The following NCOA6 variants were observed in gnomAD, a reference collection of about 807,000 sequenced individuals.
The protein encoded by NCOA6 is nuclear receptor coactivator 6, also known as NRC RAP250.
In NCOA6, 49 loss-of-function variants were observed where a neutral mutation model predicts 171.4. The observed-to-expected ratio is 0.29, with a 90% confidence interval of 0.23 to 0.36. NCOA6 has a LOEUF of 0.36. Among genes scored for constraint, NCOA6 ranks in the 10% least tolerant of loss-of-function variants. The pLI, the probability that NCOA6 is intolerant of heterozygous loss-of-function variation, is 1.00. For synonymous variants in NCOA6, 910 were observed against 927.5 expected, an observed-to-expected ratio of 0.98 and a Z score of 0.34; for missense variants, 2,248 against 2,554.5, an observed-to-expected ratio of 0.88 and a Z score of 2.59.
chr20:34,715,729 TCAA>T (rs1350954027), intron 14 of NCOA6, among the ~76,000 whole-genome samples: 1 of 152,140 alleles, frequency 6.6e-6, no homozygotes, highest in Non-Finnish European at 1.5e-5. Context: ...TGGTGAGAAA[TCAA>T]CGAGTAATGC....
At chr20:34,729,162 G>T (rs1990319406) in intron 13 of NCOA6, among the ~76,000 whole-genome samples, 1 of 152,196 alleles carries the variant, frequency 6.6e-6, no homozygotes, top group Non-Finnish European at 1.5e-5. Flanking sequence ...TGTTGGCCAG[G>T]CTGGTCTCGA....
chr20:34,745,224 C>T (rs1354352452), intron 10 of NCOA6, among the ~76,000 whole-genome samples: 1 of 152,326 alleles, frequency 6.6e-6, no homozygotes, highest in African/African-American at 2.4e-5. Flanking sequence ...AACTGCAGAG[C>T]AGATGCCCTA....
intron 11 of NCOA6, 147 bp from the exon 12 acceptor site, chr20:34,736,905 A>G: frequency 3.3e-6 from 2 of 605,920 alleles, no homozygotes; most frequent in Non-Finnish European, 5.5e-6. Flanking sequence ...TTACAAGTAC[A>G]TTTTAAAACT....
intron 1 of NCOA6, among the ~76,000 whole-genome samples, chr20:34,796,793 T>C (rs2078090343): frequency 6.7e-6 from 1 of 150,144 alleles, no homozygotes; most frequent in Non-Finnish European, 1.5e-5. Flanking sequence ...CTTTCCAGCC[T>C]GGGCAAAAAA....
intron 14 of NCOA6, among the ~76,000 whole-genome samples, chr20:34,722,964 G>A (rs1306062495): frequency 6.6e-6 from 1 of 152,086 alleles, no homozygotes; most frequent in Non-Finnish European, 1.5e-5. Flanking sequence ...CCGAGATTGT[G>A]CCACTGCACT....
Position 34,749,895 on chromosome 20 carries a change from A to T in NCOA6, c.2300T>A (p.Leu767Gln). Reference protein sequence around the residue: ...QFTGQMSGQMLPQQGPVNNSP... With the variant: ...QFTGQMSGQMQPQQGPVNNSP... ...GTTGTTCACAGGCCCTTGCTGGGGCAGCATCTGTCCTGACATCTGTCCCGT... is the reference window on the plus strand; with the variant it reads ...GTTGTTCACAGGCCCTTGCTGGGGCTGCATCTGTCCTGACATCTGTCCCGT... The change falls in exon 9 of 15, where the codon CTG becomes CAG. Residue 767 changes from leucine (L) to glutamine (Q), a missense_variant. Transcript: ENST00000359003. The T allele has an allele frequency of 6.2e-7, 1 of 1,614,204 alleles. No homozygotes were observed. Among genetic ancestry groups the T allele is most frequent in the Non-Finnish European group, 8.5e-7 (1 of 1,180,028 alleles).
At position 34,742,928 on chromosome 20, in the gene NCOA6, T is replaced by G. The variant is rs375306482; in HGVS notation, c.3328A>C (p.Arg1110=). Residue 1110 remains arginine (R), a synonymous_variant, in exon 11 of 15, where the codon AGG becomes CGG. Coordinates refer to ENST00000359003, the MANE Select transcript of NCOA6 (RefSeq NM_014071.5). ...GGGCTCTCCTGATAGACCATTTTCC[T>G]TGAATTGCTTCCCAAGGGAGTATTC... The part of the protein sequence containing the change: ...PVNTPLGSNS[R]KMVYQESPQN... 8.1e-6 allele frequency: 13 copies of G among 1,614,046 alleles called. No homozygotes were observed. Among genetic ancestry groups the G allele is most frequent in the Admixed American group, 1.7e-5 (1 of 59,988 alleles).
rs1202406484 is a variant in NCOA6 at position 34,742,259 on chromosome 20, T to C, written c.3997A>G (p.Ser1333Gly). 6.2e-7 allele frequency: 1 copy of C among 1,614,254 alleles called. No individual in the cohort carries two copies. The highest frequency in any genetic ancestry group is 1.1e-5 in the South Asian group (1 of 91,090). ...GTGGTTTTCCTACTGGACCCAGGAC[T>C]AGACCTGCGACTGTTGCTTGGACTT... is the stretch of plus-strand genomic sequence containing the variant. ...RASPSNSRRS[S>G]PGSSRKTTPS... Residue 1333 changes from serine (S) to glycine (G), a missense_variant, in exon 11 of 15, where the codon AGT (serine) becomes GGT (glycine). Transcript: ENST00000359003.
At position 34,749,490 on chromosome 20, in the gene NCOA6, A is replaced by G; in HGVS notation, c.2705T>C (p.Val902Ala). 1 of 1,614,016 alleles carries G rather than the reference A, an allele frequency of 6.2e-7. No individual in the cohort carries two copies. Among genetic ancestry groups the G allele is most frequent in the Non-Finnish European group, 8.5e-7 (1 of 1,180,016 alleles). Residue 902 changes from valine to alanine, a missense_variant, in exon 9 of 15, where the codon GTA (valine) becomes GCA (alanine). Physicochemically the swap from Val to Ala is moderately conservative, Grantham distance 64 (BLOSUM62 0). Around this residue, in one of 7 missense-constraint regions of NCOA6, gnomAD observed 352 missense variants for 419.1 expected, o/e 0.84. Transcript: ENST00000359003. The part of the protein sequence containing the change: ...QSDISAGHFG[V>A]NNKQNNTNAN... ...GTTGGTATTATTTTGCTTATTGTTT[A>G]CCCCAAAATGGCCTGCAGATATGTC... is the stretch of plus-strand genomic sequence containing the variant.
chr20:34,764,157 G>A (rs1407804889), intron 5 of NCOA6, among the ~76,000 whole-genome samples: 2 of 151,188 alleles, frequency 1.3e-5, no homozygotes, highest in African/African-American at 2.4e-5. Flanking sequence ...GCGCGATCTC[G>A]GCTCACTGCA....
intron 1 of NCOA6, among the ~76,000 whole-genome samples, chr20:34,817,061 T>C (rs968935121): frequency 3.3e-5 from 5 of 149,910 alleles, no homozygotes; most frequent in African/African-American, 1.2e-4. Flanking sequence ...AGGCGGAGGT[T>C]GCAATGAGCC....
intron 14 of NCOA6, among the ~76,000 whole-genome samples, chr20:34,720,615 C>G (rs1285137868): frequency 1.3e-5 from 2 of 152,228 alleles, no homozygotes; most frequent in Non-Finnish European, 2.9e-5. Context: ...CAGAATGTCT[C>G]TGATTTTGTT....
chr20:34,777,402 G>C (rs1394260546), intron 3 of NCOA6, among the ~76,000 whole-genome samples: 1 of 151,970 alleles, frequency 6.6e-6, no homozygotes, highest in East Asian at 1.9e-4. Context: ...ATCACTTGAG[G>C]ACAGGAGTTC....
Position 34,741,988 on chromosome 20 carries a change from T to C in NCOA6, c.4268A>G (p.Gln1423Arg), listed in dbSNP as rs1381846247. The change falls in exon 11 of 15, where the codon CAG becomes CGG. Residue 1423 changes from glutamine to arginine, a missense_variant. Gln to Arg is a conservative substitution (Grantham distance 43). Around this residue, in one of 7 missense-constraint regions of NCOA6, gnomAD observed 884 missense variants for 941.9 expected, o/e 0.94. Transcript: ENST00000359003. ...CTGGGAATTCTGGCAATCACTGTCC[T>C]GAGGCACATTCAAGCTCTCCTTGTT... Reference protein sequence around the residue: ...EDNKESLNVPQDSDCQNSQSR... With the variant: ...EDNKESLNVPRDSDCQNSQSR... 5.0e-6 allele frequency: 8 copies of C among 1,614,226 alleles called. No homozygotes were observed. Among genetic ancestry groups the C allele is most frequent in the Non-Finnish European group, 6.8e-6 (8 of 1,180,042 alleles).
chr20:34,777,022 CAGG>C (rs994595534), intron 3 of NCOA6, among the ~76,000 whole-genome samples: 10 of 147,138 alleles, frequency 6.8e-5, no homozygotes, highest in African/African-American at 2.5e-4. Context: ...GAGGCTGAGG[CAGG>C]AGAATTGCTT....
chr20:34,765,511 T>G (rs1472230820), intron 5 of NCOA6, among the ~76,000 whole-genome samples: 1 of 151,208 alleles, frequency 6.6e-6, no homozygotes, highest in East Asian at 1.9e-4. Flanking sequence ...AAATTTCAAG[T>G]ATATGCTGAC....
rs1221812659 is a variant in NCOA6 at position 34,797,573 on chromosome 20, CCTT to C, written c.-163-5013_-163-5011del. 7.2e-5 allele frequency among the ~76,000 whole-genome samples: 11 copies of C among 151,864 alleles called. No individual in the cohort carries two copies. In the South Asian group the frequency reaches 1.5e-3, roughly 20 times the overall value. ...GCTGTGGTGGCTACAGGGAGAGACT[CCTT>C]CTGCTTGAGAAAAGAAAGAGGAGTA... On this transcript the variant is annotated intron_variant, in intron 1 of 14. Transcript: ENST00000359003.
chr20:34,768,377 C>T, intron 5 of NCOA6, 87 bp downstream of exon 5: 1 of 1,517,844 alleles, frequency 6.6e-7, no homozygotes, highest in Non-Finnish European at 9.0e-7. Context: ...TGCCATGAAC[C>T]CCCACCTATC....
chr20:34,770,044 CT>C (rs542167234), intron 4 of NCOA6, among the ~76,000 whole-genome samples: 370 of 142,466 alleles, frequency 2.6e-3, no homozygotes, highest in Middle Eastern at 7.3e-3. Flanking sequence ...GTCAGCCTTC[CT>C]TTTTTTTTTT....
Sources: allele counts gnomAD v4.1 joint callset (sites outside exome capture counted in the v4.1 genomes callset), GRCh38; gene constraint gnomAD v4.1.1; regional missense constraint gnomAD v4.1.1; transcripts MANE v1.5; gene names NCBI Gene and HGNC (gene_info 2026-07-23, HGNC 2026-07-21).